TENM2: variants seen among roughly 807,000 people sequenced by gnomAD.
TENM2 encodes teneurin transmembrane protein 2.
In TENM2, 52 loss-of-function variants were observed where a neutral mutation model predicts 245.2. That is an observed-to-expected ratio of 0.21 (90% CI 0.17 to 0.27). The LOEUF is 0.27. Ranked by LOEUF, TENM2 falls within the 10% of genes least tolerant of loss-of-function variation. The probability of loss-of-function intolerance (pLI) is 1.00; values close to 1 mark genes in which losing one functional copy is unlikely to be tolerated. For synonymous variants in TENM2, 1,363 were observed against 1,438.9 expected (o/e 0.95, Z 1.19); for missense variants, 3,046 against 3,666.8 (o/e 0.83, Z 4.37).
the TENM2 span, among the ~76,000 whole-genome samples, chr5:167,028,789 G>T: frequency 6.6e-6 from 1 of 151,970 alleles, no homozygotes; most frequent in South Asian, 2.1e-4. Context: ...CACTAAATTG[G>T]TTTCATCTAT....
chr5:167,477,778 G>A (rs1291622552), intron 2 of TENM2, among the ~76,000 whole-genome samples: 1 of 152,026 alleles, frequency 6.6e-6, no homozygotes, highest in Non-Finnish European at 1.5e-5. Context: ...AGGATAGATA[G>A]ATGGATAGAT....
intron 2 of TENM2, among the ~76,000 whole-genome samples, chr5:167,385,096 G>A (rs1761339909): frequency 6.6e-6 from 1 of 152,118 alleles, no homozygotes; most frequent in African/African-American, 2.4e-5. Context: ...TAATAAAGTA[G>A]CATCAAATAT....
At chr5:166,982,421 C>T in the TENM2 span, among the ~76,000 whole-genome samples, 2 of 151,988 alleles carry the variant, frequency 1.3e-5, no homozygotes, top group Non-Finnish European at 1.5e-5. Flanking sequence ...ACCTGTTTGG[C>T]TAGTTTTTTT....
At chr5:167,229,183 G>C in the TENM2 span, among the ~76,000 whole-genome samples, 5 of 152,166 alleles carry the variant, frequency 3.3e-5, no homozygotes, top group African/African-American at 9.7e-5. Context: ...GGTGACTTAG[G>C]GTATAGTTAT....
In TENM2 at chr5:167,867,719, T is replaced by C. The variant is rs544838040; in HGVS notation, c.503-8267T>C. Among the ~76,000 whole-genome samples the C allele has an allele frequency of 2.6e-4, 40 of 152,300 alleles. 1 individual carries two copies. The highest frequency in any genetic ancestry group is 9.1e-4 in the African/African-American group (38 of 41,566). On this transcript the variant is annotated intron_variant, in intron 2 of 28. Transcript: ENST00000518659. ...ATTGAGAAGACATAAGAGGTCATAATGAAAATTCCTCAGGTGAGGTTGAAT... is the reference window on the plus strand; with the variant it reads ...ATTGAGAAGACATAAGAGGTCATAACGAAAATTCCTCAGGTGAGGTTGAAT...
At chr5:167,010,718 T>A in the TENM2 span, among the ~76,000 whole-genome samples, 1 of 152,206 alleles carries the variant, frequency 6.6e-6, no homozygotes, top group Non-Finnish European at 1.5e-5. Context: ...TCTATATTTG[T>A]TTTAGATGAG....
At chr5:167,780,659 A>T (rs1452450346) in intron 2 of TENM2, among the ~76,000 whole-genome samples, 1 of 152,164 alleles carries the variant, frequency 6.6e-6, no homozygotes, top group East Asian at 1.9e-4. Context: ...CTGTTAATGA[A>T]TCAGCATTGC....
the TENM2 span, among the ~76,000 whole-genome samples, chr5:167,006,562 T>G: frequency 6.6e-6 from 1 of 152,230 alleles, no homozygotes; most frequent in Non-Finnish European, 1.5e-5. Context: ...TTTCTAAGCA[T>G]GGATACATAT....
chr5:167,926,718 C>CCACACA (rs750351497), intron 3 of TENM2, among the ~76,000 whole-genome samples: 3,204 of 136,746 alleles, frequency 0.023, 42 homozygotes, highest in African/African-American at 0.043. Flanking sequence ...TGAGATTCCA[C>CCACACA]CACACACACA....
the TENM2 span, among the ~76,000 whole-genome samples, chr5:167,272,156 A>C: frequency 6.6e-6 from 1 of 152,112 alleles, no homozygotes; most frequent in Non-Finnish European, 1.5e-5. Context: ...CCCCTATCTC[A>C]GCTTCTCTCT....
chr5:167,182,301 A>G, the TENM2 span, among the ~76,000 whole-genome samples: 1 of 152,092 alleles, frequency 6.6e-6, no homozygotes, highest in Admixed American at 6.5e-5. Flanking sequence ...TATTCTTCAA[A>G]TAGGTTGCTA....
At position 167,485,024 on chromosome 5, in the gene TENM2, T is replaced by C. The variant is rs545298702; in HGVS notation, c.502+109551T>C. ...TGTGTAAGTACAGTGATATATTCTG[T>C]AGCCCAGAATTCATAATTTTACTTT... On this transcript the variant is annotated intron_variant, in intron 2 of 28. Transcript: ENST00000518659. Among the ~76,000 whole-genome samples, 3 of 152,372 alleles carry C rather than the reference T, an allele frequency of 2.0e-5. No homozygotes were observed. In the East Asian group the frequency reaches 5.8e-4, roughly 29 times the overall value.
chr5:167,945,684 C>A (rs1177595706), intron 3 of TENM2, among the ~76,000 whole-genome samples: 5 of 152,014 alleles, frequency 3.3e-5, no homozygotes, highest in Non-Finnish European at 5.9e-5. Context: ...TGCGTCATTG[C>A]GAATGCATTC....
chr5:167,597,973 T>G (rs545924256), intron 2 of TENM2, among the ~76,000 whole-genome samples: 3 of 152,256 alleles, frequency 2.0e-5, no homozygotes, highest in African/African-American at 7.2e-5. Flanking sequence ...TGAACAAACC[T>G]GTGAATAACA....
intron 5 of TENM2, among the ~76,000 whole-genome samples, chr5:168,021,528 C>T (rs865891687): frequency 6.6e-6 from 1 of 152,160 alleles, no homozygotes; most frequent in African/African-American, 2.4e-5. Context: ...ATCCTGGTAT[C>T]CACGTTTTGT....
rs1465304557 is a variant in TENM2, at chr5:168,047,398, A to C, written c.1187-29A>C. On this transcript the variant is annotated intron_variant, in intron 5 of 28. Transcript: ENST00000518659. ...ATTTGCATTGCTGAATTATCTATTC[A>C]TATTTTCATTACTTTGTCTCTCCTG... The C allele has an allele frequency of 3.2e-6, 5 of 1,551,524 alleles. No individual in the cohort carries two copies. The Admixed American group carries it at 5.9e-5, about 18-fold the overall frequency.
the TENM2 span, among the ~76,000 whole-genome samples, chr5:167,178,431 G>T: frequency 6.6e-6 from 1 of 152,160 alleles, no homozygotes; most frequent in Non-Finnish European, 1.5e-5. Flanking sequence ...TTCTCATCCT[G>T]GTCGGGGCTC....
At chr5:167,190,657 C>T in the TENM2 span, among the ~76,000 whole-genome samples, 5 of 152,090 alleles carry the variant, frequency 3.3e-5, no homozygotes, top group East Asian at 9.7e-4. Context: ...AGCCAAGGAG[C>T]CATAATACAA....
At chr5:167,056,586 T>G in the TENM2 span, among the ~76,000 whole-genome samples, 2 of 146,536 alleles carry the variant, frequency 1.4e-5, no homozygotes, top group Non-Finnish European at 3.0e-5. Flanking sequence ...TATATAAATA[T>G]ATCTATATAA....
Sources: gnomAD v4.1 joint callset for allele counts (sites outside exome capture counted in the v4.1 genomes callset) on GRCh38, gnomAD v4.1.1 for gene constraint, MANE v1.5 for transcripts, NCBI Gene and HGNC (gene_info 2026-07-23, HGNC 2026-07-21) for gene names.